Variants in HHLA2 observed in about 807,000 individuals in gnomAD.
The protein encoded by HHLA2 is HHLA2 member of B7 family.
HHLA2 carries 48 observed loss-of-function variants against 45.9 expected under a neutral mutation model. The ratio of observed to expected loss-of-function variants is 1.05; its 90% CI spans 0.83 to 1.33. The LOEUF (loss-of-function observed/expected upper bound fraction) is 1.33. Among genes scored for constraint, HHLA2 ranks in the 40% most tolerant of loss-of-function variants. The pLI is 0.00. For synonymous variants in HHLA2, 161 were observed against 173.9 expected (o/e 0.93, Z 0.59); for missense variants, 462 against 494.3 (o/e 0.93, Z 0.62).
chr3:108,337,075 G>A (rs2081484597), intron 3 of HHLA2, among the ~76,000 whole-genome samples: 1 of 152,064 alleles, frequency 6.6e-6, no homozygotes, highest in Admixed American at 6.6e-5. Context: ...ATTCAAAGTG[G>A]GGGGTCTGCA....
chr3:108,338,964 A>G lies in HHLA2; in HGVS notation c.-27+10617A>G, dbSNP rs367784844. 2.6e-4 allele frequency among the ~76,000 whole-genome samples: 40 copies of G among 152,322 alleles called. No homozygotes were observed. The South Asian group carries it at 8.1e-3, about 31-fold the overall frequency. On this transcript the variant is annotated intron_variant, in intron 3 of 10. Coordinates refer to ENST00000619531, the Ensembl canonical transcript of HHLA2. ...ATGTTTTCAGGAGACTAAGATGGCA[A>G]TGGTACATAAGTAGCTTGATCATAT... is the stretch of plus-strand genomic sequence containing the variant.
At chr3:108,361,720 G>A (rs2081987647) in intron 7 of HHLA2, among the ~76,000 whole-genome samples, 1 of 151,860 alleles carries the variant, frequency 6.6e-6, no homozygotes, top group African/African-American at 2.4e-5. Context: ...TATCCCCCAG[G>A]GATAAGGCGG....
intron 2 of HHLA2, among the ~76,000 whole-genome samples, chr3:108,320,559 T>C (rs2081181409): frequency 6.6e-6 from 1 of 152,232 alleles, no homozygotes. Flanking sequence ...TTTAGGGTTA[T>C]GCATTCCCTT....
chr3:108,335,622 A>G (rs1173232087), intron 3 of HHLA2, among the ~76,000 whole-genome samples: 1 of 152,232 alleles, frequency 6.6e-6, no homozygotes, highest in Non-Finnish European at 1.5e-5. Flanking sequence ...ATTAAGAAAA[A>G]GGATGCAATC....
exon 2 of HHLA2, chr3:108,310,720 A>G (rs3811690): frequency 0.17 from 26,465 of 152,506 alleles, 2,852 homozygotes; most frequent in East Asian, 0.53. Flanking sequence ...AGAGACCATC[A>G]AGAATTGGAT....
intron 3 of HHLA2, among the ~76,000 whole-genome samples, chr3:108,330,953 C>T (rs1188508228): frequency 2.0e-5 from 3 of 152,134 alleles, no homozygotes; most frequent in Admixed American, 6.5e-5. Context: ...TCCATATTTC[C>T]TCAAATTGTG....
intron 3 of HHLA2, among the ~76,000 whole-genome samples, chr3:108,335,446 G>C (rs1203554108): frequency 6.6e-6 from 1 of 152,130 alleles, no homozygotes; most frequent in Non-Finnish European, 1.5e-5. Context: ...CTCTGACAGG[G>C]CTAACCCTAA....
intron 1 of HHLA2, among the ~76,000 whole-genome samples, chr3:108,300,498 TA>T (rs2107276898): frequency 6.6e-6 from 1 of 152,222 alleles, no homozygotes; most frequent in African/African-American, 2.4e-5. Context: ...GAGCCAATAA[TA>T]GGAAAAGCAT....
At chr3:108,359,007 T>A (rs2081945310) in intron 7 of HHLA2, among the ~76,000 whole-genome samples, 1 of 152,184 alleles carries the variant, frequency 6.6e-6, no homozygotes, top group South Asian at 2.1e-4. Flanking sequence ...CATTGAGTAA[T>A]AACACTCCCT....
At chr3:108,309,412 C>T (rs1200664123) in intron 1 of HHLA2, among the ~76,000 whole-genome samples, 2 of 152,094 alleles carry the variant, frequency 1.3e-5, no homozygotes, top group Non-Finnish European at 2.9e-5. Context: ...ACTATTATAG[C>T]TCTGTAGCAT....
chr3:108,309,535 G>A (rs931804565), intron 1 of HHLA2, among the ~76,000 whole-genome samples: 2 of 151,746 alleles, frequency 1.3e-5, no homozygotes, highest in Non-Finnish European at 2.9e-5. Context: ...CTCCTTTTTT[G>A]TTTTTTTGTG....
At chr3:108,300,654 G>A (rs2080834488) in intron 1 of HHLA2, among the ~76,000 whole-genome samples, 2 of 152,090 alleles carry the variant, frequency 1.3e-5, no homozygotes, top group Non-Finnish European at 2.9e-5. Flanking sequence ...GGGAAGCTAG[G>A]TTGTGTATAA....
At chr3:108,301,470 T>C (rs557576090) in intron 1 of HHLA2, among the ~76,000 whole-genome samples, 1 of 152,190 alleles carries the variant, frequency 6.6e-6, no homozygotes, top group Admixed American at 6.5e-5. Flanking sequence ...TAGAGTTATC[T>C]TCTTACAGTC....
At chr3:108,373,640 C>T (rs1371387004) in intron 8 of HHLA2, among the ~76,000 whole-genome samples, 33 of 152,070 alleles carry the variant, frequency 2.2e-4, no homozygotes, top group African/African-American at 7.7e-4. Flanking sequence ...TCTCAGGATA[C>T]AAAATCAATG....
exon 5 of HHLA2, chr3:108,353,673 C>A: frequency 6.2e-7 from 1 of 1,613,588 alleles, no homozygotes; most frequent in Non-Finnish European, 8.5e-7. Context: ...AATGGGAATG[C>A]GTCGCTATTT....
chr3:108,334,858 G>A (rs1329874378), intron 3 of HHLA2, among the ~76,000 whole-genome samples: 3 of 152,126 alleles, frequency 2.0e-5, no homozygotes, highest in Non-Finnish European at 4.4e-5. Flanking sequence ...CTGCCCATCA[G>A]GAGCTTGAGT....
exon 11 of HHLA2, chr3:108,377,743 T>C (rs2082299156): frequency 6.4e-6 from 1 of 155,106 alleles, no homozygotes; most frequent in Non-Finnish European, 1.4e-5. Context: ...TTTGACAAGG[T>C]ATTTTAGTCT....
intron 8 of HHLA2, among the ~76,000 whole-genome samples, chr3:108,374,238 C>A (rs1310876950): frequency 6.6e-6 from 1 of 150,580 alleles, no homozygotes; most frequent in South Asian, 2.1e-4. Context: ...AAAGGATTCC[C>A]TATTTAATAA....
At chr3:108,328,093 A>G (rs899112083) in intron 2 of HHLA2, among the ~76,000 whole-genome samples, 18 of 152,186 alleles carry the variant, frequency 1.2e-4, no homozygotes, top group Non-Finnish European at 2.4e-4. Flanking sequence ...AGATCATGCC[A>G]CTGCACTCCA....
Sources: allele counts gnomAD v4.1 joint callset (sites outside exome capture counted in the v4.1 genomes callset), GRCh38; gene constraint gnomAD v4.1.1; transcripts MANE v1.5; gene names NCBI Gene and HGNC (gene_info 2026-07-23, HGNC 2026-07-21).